The following FAN1 variants were observed in gnomAD, a reference collection of about 807,000 sequenced individuals.
The protein encoded by FAN1 is FANCD2 and FANCI associated nuclease 1.
In FAN1, 91 loss-of-function variants were observed where a neutral mutation model predicts 104.9. That is an observed-to-expected ratio of 0.87 (90% CI 0.73 to 1.03). FAN1 has a LOEUF of 1.03. Among genes scored for constraint, FAN1 ranks in the 50% least tolerant of loss-of-function variants. The pLI, the probability that FAN1 is intolerant of heterozygous loss-of-function variation, is 0.00. For missense variants in FAN1, 1,263 were observed against 1,239.9 expected (o/e 1.02, Z -0.28); for synonymous variants, 478 against 457.6 (o/e 1.04, Z -0.57).
At chr15:30,917,618 A>G (rs956658489) in intron 5 of FAN1, among the ~76,000 whole-genome samples, 6 of 152,226 alleles carry the variant, frequency 3.9e-5, no homozygotes, top group Admixed American at 1.3e-4. Context: ...GTTTTTTGGT[A>G]GCTAAAGGAG....
In FAN1 at chr15:30,925,791, G is replaced by T; in HGVS notation, c.2340G>T (p.Val780=). 6.2e-7 allele frequency: 1 copy of T among 1,614,094 alleles called. No homozygotes were observed. Among genetic ancestry groups the T allele is most frequent in the Admixed American group, 1.7e-5 (1 of 60,036 alleles). The stretch of plus-strand genomic sequence containing the variant: ...ATGTTATTCTGCTGCTGTTTCAGGT[G>T]ACCATCACAGGCAGGCTGTGCCCAC... ...PEMAVQDVKH[V]TITGRLCPQR... is the part of the protein sequence containing the mutation. The change falls in exon 10 of 15, where the codon GTG becomes GTT. Residue 780 remains valine (V), a splice_region_variant and synonymous_variant. Coordinates refer to ENST00000362065, the MANE Select transcript of FAN1 (RefSeq NM_014967.5).
chr15:30,925,389 T>C, intron 9 of FAN1, 98 bp downstream of exon 9: 2 of 1,168,300 alleles, frequency 1.7e-6, no homozygotes, highest in South Asian at 3.0e-5. Context: ...GTGTGTTTTC[T>C]TTTAGACTCG....
At chr15:30,910,853 TGTTGA>T (rs1353728477) in intron 4 of FAN1, 38 bp downstream of exon 4, 2 of 1,594,082 alleles carry the variant, frequency 1.3e-6, no homozygotes, top group South Asian at 2.3e-5. Context: ...ACATTTAAAA[TGTTGA>T]TAGCACATAT....
Position 30,943,092 on chromosome 15 carries a change from A to G in FAN1, c.*1530A>G, listed in dbSNP as rs990198698. ...AAATTCCTGCAAAATAAATAAATAA[A>G]TATTTGCAAAACTAAAGATTCTCTC... On this transcript the variant is annotated 3_prime_UTR_variant, in exon 15 of 15. Transcript: ENST00000362065. The G allele has an allele frequency of 6.5e-7, 1 of 1,529,010 alleles. No homozygotes were observed. The highest frequency in any genetic ancestry group is 8.8e-7 in the Non-Finnish European group (1 of 1,138,672). 94.7% of individuals were successfully genotyped at this position (1,529,010 alleles called of 1,614,324 possible). A position where few individuals can be genotyped will look rare whatever the true frequency, so the allele number is the denominator to read the frequency against.
At chr15:30,917,526 A>C (rs548840565) in intron 5 of FAN1, among the ~76,000 whole-genome samples, 1 of 152,320 alleles carries the variant, frequency 6.6e-6, no homozygotes, top group South Asian at 2.1e-4. Flanking sequence ...TATGTACTTC[A>C]TGCTTTTCTT....
At chr15:30,920,187 G>A (rs1205248517) in intron 6 of FAN1, among the ~76,000 whole-genome samples, 2 of 152,112 alleles carry the variant, frequency 1.3e-5, no homozygotes, top group Non-Finnish European at 2.9e-5. Flanking sequence ...TACAATTTTC[G>A]CATACCAAAG....
Position 30,905,233 on chromosome 15 carries a change from G to A in FAN1, c.570G>A (p.Lys190=). ...SPQSSKSTVV[K]SLIDNSSEIE... is the part of the protein sequence containing the mutation. ...AGAGTTCCAAATCCACAGTTGTTAA[G>A]AGCCTGATTGATAACTCTTCAGAAA... Residue 190 remains lysine, a synonymous_variant, in exon 2 of 15, where the codon AAG becomes AAA. Coordinates refer to ENST00000362065, the MANE Select transcript of FAN1 (RefSeq NM_014967.5). The A allele has an allele frequency of 1.2e-6, 2 of 1,613,978 alleles. No homozygotes were observed. Among genetic ancestry groups the A allele is most frequent in the Non-Finnish European group, 1.7e-6 (2 of 1,179,964 alleles).
chr15:30,905,496 C>T lies in FAN1; in HGVS notation c.833C>T (p.Thr278Ile). ...ACTCTTAGGAATACATTAAAGTCTA[C>T]TTCAGAAGACAGTCTTGTAAAGCAA... ...DFTLRNTLKS[T>I]SEDSLVKQEC... is the part of the protein sequence containing the mutation. The change falls in exon 2 of 15, where the codon ACT becomes ATT. Residue 278 changes from threonine to isoleucine, a missense_variant. Physicochemically the swap from Thr to Ile is moderately conservative, Grantham distance 89. Coordinates refer to ENST00000362065, the MANE Select transcript of FAN1 (RefSeq NM_014967.5). 4 of 1,614,082 alleles carry T rather than the reference C, an allele frequency of 2.5e-6. No individual in the cohort carries two copies. Among genetic ancestry groups the T allele is most frequent in the Middle Eastern group, 1.6e-4 (1 of 6,062 alleles).
intron 9 of FAN1, 96 bp downstream of exon 9, chr15:30,925,387 T>A (rs766889168): frequency 2.1e-5 from 25 of 1,169,612 alleles, no homozygotes; most frequent in Non-Finnish European, 2.9e-5. Flanking sequence ...GTGTGTGTTT[T>A]CTTTTAGACT....
chr15:30,932,716 C>T (rs202201233), intron 13 of FAN1, among the ~76,000 whole-genome samples: 10 of 134,348 alleles, frequency 7.4e-5, no homozygotes, highest in South Asian at 2.3e-4. Context: ...TGTTTCTTTT[C>T]TTTTTTTTTT....
chr15:30,920,483 T>C, intron 6 of FAN1, 62 bp from the exon 7 acceptor site: 1 of 1,041,270 alleles, frequency 9.6e-7, no homozygotes, highest in Admixed American at 1.9e-5. Context: ...TGTCACTTGT[T>C]ATTATTGTCT....
intron 13 of FAN1, among the ~76,000 whole-genome samples, chr15:30,936,681 A>G (rs1464544542): frequency 3.4e-4 from 52 of 152,296 alleles, no homozygotes; most frequent in Non-Finnish European, 1.2e-4. Flanking sequence ...TGCATTTAAC[A>G]TATTTATCCC....
chr15:30,939,388 C>A, intron 14 of FAN1: 1 of 985,460 alleles, frequency 1.0e-6, no homozygotes, highest in South Asian at 4.7e-5. Context: ...GCAGCCACAC[C>A]ACTGCTGTCA....
chr15:30,941,843 A>C lies in FAN1; in HGVS notation c.*281A>C. On this transcript the variant is annotated 3_prime_UTR_variant, in exon 15 of 15. Transcript: ENST00000362065. ...GAAGTAGCACAGTTTCCACAGTTTT[A>C]TGTGTGTTCCAGAGACACGTGGCAG... 6.2e-7 allele frequency: 1 copy of C among 1,613,986 alleles called. No homozygotes were observed. Among genetic ancestry groups the C allele is most frequent in the Non-Finnish European group, 8.5e-7 (1 of 1,179,904 alleles).
chr15:30,908,021 A>C (rs1231851064), intron 2 of FAN1, 97 bp from the exon 3 acceptor site: 1 of 976,414 alleles, frequency 1.0e-6, no homozygotes, highest in African/African-American at 1.7e-5. Flanking sequence ...TTATACATAC[A>C]GTAAGCATAT....
In FAN1 at chr15:30,905,005, T is replaced by A. The variant is rs555883766; in HGVS notation, c.342T>A (p.Ser114Arg). 65 of 1,614,004 alleles carry A rather than the reference T, an allele frequency of 4.0e-5. 1 individual carries two copies. In the South Asian group the frequency reaches 7.1e-4, roughly 18 times the overall value. ...PPKTNLTPGQ[S>R]DSAKREVKQK... ...AGACAAATTTAACCCCTGGCCAAAG[T>A]GATTCAGCAAAAAGGGAAGTAAAGC... Residue 114 changes from serine (S) to arginine (R), a missense_variant, in exon 2 of 15, where the codon AGT (serine) becomes AGA (arginine). Ser to Arg is a moderately radical substitution (Grantham distance 110). This residue lies in a region of FAN1 where 682 missense variants were observed against 571.1 expected (regional missense o/e 1.19). Coordinates refer to ENST00000362065, the MANE Select transcript of FAN1 (RefSeq NM_014967.5).
chr15:30,913,823 A>G, intron 4 of FAN1, 35 bp from the exon 5 acceptor site: 2 of 1,397,970 alleles, frequency 1.4e-6, no homozygotes, highest in Non-Finnish European at 2.0e-6. Flanking sequence ...ATGCTTAAAA[A>G]GCTAAAAGTT....
intron 12 of FAN1, among the ~76,000 whole-genome samples, chr15:30,929,977 ATAAT>A (rs2062659709): frequency 7.8e-6 from 1 of 128,204 alleles, no homozygotes; most frequent in African/African-American, 3.2e-5. Flanking sequence ...TATAAAATAT[ATAAT>A]ATATAAGATA....
At chr15:30,929,446 C>T in intron 12 of FAN1, 49 bp downstream of exon 12, 1 of 1,456,566 alleles carries the variant, frequency 6.9e-7, no homozygotes, top group East Asian at 2.4e-5. Flanking sequence ...TTAACACCGC[C>T]CCAGTGCTGT....
Sources: allele counts gnomAD v4.1 joint callset (sites outside exome capture counted in the v4.1 genomes callset), GRCh38; gene constraint gnomAD v4.1.1; regional missense constraint gnomAD v4.1.1; transcripts MANE v1.5; gene names NCBI Gene and HGNC (gene_info 2026-07-23, HGNC 2026-07-21).